Variants in ANO4 observed in about 807,000 individuals in gnomAD.
ANO4 encodes anoctamin 4, also known as anoctamin-4.
In ANO4, 69 loss-of-function variants were observed where a neutral mutation model predicts 141.9. The observed-to-expected ratio is 0.49, with a 90% CI of 0.40 to 0.59. The LOEUF is 0.59. Among genes scored for constraint, ANO4 ranks in the 20% least tolerant of loss-of-function variants. The pLI is 0.00. For missense variants in ANO4, 894 were observed against 1,162.2 expected, an observed-to-expected ratio of 0.77 and a Z score of 3.36; for synonymous variants, 350 against 394.3, an observed-to-expected ratio of 0.89 and a Z score of 1.33.
intron 3 of ANO4, among the ~76,000 whole-genome samples, chr12:100,938,264 G>A (rs142692388): frequency 6.6e-6 from 1 of 152,274 alleles, no homozygotes; most frequent in East Asian, 1.9e-4. Context: ...CACAAGTTAC[G>A]TGTCTTTGTT....
At chr12:100,832,779 A>G (rs2135779689) in intron 1 of ANO4, among the ~76,000 whole-genome samples, 1 of 152,236 alleles carries the variant, frequency 6.6e-6, no homozygotes, top group East Asian at 1.9e-4. Context: ...ATGGAAAGGA[A>G]CTCACCATTT....
At chr12:101,104,627 G>GTATATATATATA (rs1167784816) in intron 22 of ANO4, among the ~76,000 whole-genome samples, 17 of 62,040 alleles carry the variant, frequency 2.7e-4, no homozygotes, top group Non-Finnish European at 3.5e-4. Flanking sequence ...ATGTATGTGT[G>GTATATATATATA]TATATATATA....
intron 1 of ANO4, among the ~76,000 whole-genome samples, chr12:100,858,821 AC>A (rs1210942576): frequency 6.6e-6 from 1 of 151,906 alleles, no homozygotes; most frequent in Non-Finnish European, 1.5e-5. Flanking sequence ...TTCTGCTTCC[AC>A]CCCCAGTTCC....
At chr12:100,757,743 C>G (rs993214497) in intron 3 of ANO4, among the ~76,000 whole-genome samples, 1 of 152,196 alleles carries the variant, frequency 6.6e-6, no homozygotes, top group Non-Finnish European at 1.5e-5. Flanking sequence ...AAAATGGGAA[C>G]AGTACCAACT....
intron 14 of ANO4, among the ~76,000 whole-genome samples, chr12:101,062,310 G>A (rs1566193009): frequency 6.6e-6 from 1 of 152,194 alleles, no homozygotes; most frequent in East Asian, 1.9e-4. Context: ...CCTGTATGAG[G>A]TGTCTGTCGA....
intron 2 of ANO4, among the ~76,000 whole-genome samples, chr12:100,735,777 G>A (rs2031581101): frequency 6.6e-6 from 1 of 152,134 alleles, no homozygotes; most frequent in African/African-American, 2.4e-5. Flanking sequence ...AGGATGTGAT[G>A]GTGATAGGTT....
chr12:100,903,709 G>A (rs2040704187), intron 2 of ANO4, among the ~76,000 whole-genome samples: 2 of 152,146 alleles, frequency 1.3e-5, no homozygotes, highest in African/African-American at 2.4e-5. Flanking sequence ...GAACTCTTGG[G>A]CACAGCTCTT....
intron 3 of ANO4, among the ~76,000 whole-genome samples, chr12:100,743,241 TATTA>T (rs2031953203): frequency 6.6e-6 from 1 of 150,396 alleles, no homozygotes; most frequent in Non-Finnish European, 1.5e-5. Context: ...ATTAATATAT[TATTA>T]AAATACTAAT....
chr12:100,989,621 AGATGGATGGATGGATGGATG>A (rs375754773), intron 8 of ANO4, among the ~76,000 whole-genome samples: 3,061 of 103,226 alleles, frequency 0.03, 109 homozygotes, highest in African/African-American at 0.098. Context: ...ATGGATGGAT[AGATGGATGGATGGATGGATG>A]GATGGATGGA....
chr12:101,119,303 C>CA (rs1447032711), intron 25 of ANO4, among the ~76,000 whole-genome samples: 3 of 151,912 alleles, frequency 2.0e-5, no homozygotes, highest in South Asian at 2.1e-4. Flanking sequence ...ACCAAAAATA[C>CA]AAAAAAATTA....
At chr12:101,104,732 G>A (rs1411552594) in intron 22 of ANO4, among the ~76,000 whole-genome samples, 1 of 146,652 alleles carries the variant, frequency 6.8e-6, no homozygotes, top group Non-Finnish European at 1.5e-5. Flanking sequence ...TTTCAAGTAT[G>A]TTCTGCATTT....
intron 3 of ANO4, among the ~76,000 whole-genome samples, chr12:100,935,629 A>G (rs2042255299): frequency 6.6e-6 from 1 of 152,172 alleles, no homozygotes; most frequent in African/African-American, 2.4e-5. Flanking sequence ...GTTCGTGCCC[A>G]TGGATAGAAA....
Position 101,037,142 on chromosome 12 carries a change from C to T in ANO4, c.889C>T (p.Leu297=). The part of the protein sequence containing the change: ...TNGSYEAAFP[L]HEGSYRSKNS... ...TGGCTCCTATGAAGCTGCGTTTCCCCTGCATGAGGTATTGTGCTGTCTTTA... is the reference window on the plus strand; with the variant it reads ...TGGCTCCTATGAAGCTGCGTTTCCCTTGCATGAGGTATTGTGCTGTCTTTA... Residue 297 remains leucine (L), a synonymous_variant, in exon 10 of 28, where the codon CTG becomes TTG. Coordinates refer to ENST00000392977, the MANE Select transcript of ANO4 (RefSeq NM_001286615.2). 6.2e-7 allele frequency: 1 copy of T among 1,613,930 alleles called. No homozygotes were observed. Among genetic ancestry groups the T allele is most frequent in the South Asian group, 1.1e-5 (1 of 91,060 alleles).
intron 17 of ANO4, among the ~76,000 whole-genome samples, chr12:101,090,393 A>G (rs1432381593): frequency 6.6e-6 from 1 of 152,218 alleles, no homozygotes; most frequent in Non-Finnish European, 1.5e-5. Flanking sequence ...TGTGGCACAT[A>G]TACACCAAGG....
At chr12:100,848,890 A>G (rs888060917) in intron 1 of ANO4, among the ~76,000 whole-genome samples, 26 of 151,766 alleles carry the variant, frequency 1.7e-4, no homozygotes, top group Admixed American at 5.9e-4. Flanking sequence ...TTCTTTTCCT[A>G]CTTATCACAC....
chr12:101,063,629 A>C (rs2048438949), intron 14 of ANO4, among the ~76,000 whole-genome samples: 1 of 151,710 alleles, frequency 6.6e-6, no homozygotes, highest in Non-Finnish European at 1.5e-5. Context: ...TGTTATTTCC[A>C]TCTTGAATGT....
intron 1 of ANO4, among the ~76,000 whole-genome samples, chr12:100,719,766 C>T (rs947930748): frequency 6.6e-6 from 1 of 152,140 alleles, no homozygotes; most frequent in African/African-American, 2.4e-5. Flanking sequence ...CATTAGCTTC[C>T]CTTCTAATAT....
At chr12:100,753,336 A>G (rs952826207) in intron 3 of ANO4, among the ~76,000 whole-genome samples, 2 of 152,170 alleles carry the variant, frequency 1.3e-5, no homozygotes, top group African/African-American at 4.8e-5. Context: ...CAGCCTCTCT[A>G]TCTCACGTAC....
chr12:100,848,223 C>T (rs188970341), intron 1 of ANO4, among the ~76,000 whole-genome samples: 1 of 152,254 alleles, frequency 6.6e-6, no homozygotes, highest in Admixed American at 6.5e-5. Flanking sequence ...TTTGCTTTCT[C>T]TGTCTCTGGT....
Sources: allele counts gnomAD v4.1 joint callset (sites outside exome capture counted in the v4.1 genomes callset), GRCh38; gene constraint gnomAD v4.1.1; transcripts MANE v1.5; gene names NCBI Gene and HGNC (gene_info 2026-07-23, HGNC 2026-07-21).